ITGA1: variants seen among roughly 807,000 people sequenced by gnomAD.
ITGA1 encodes integrin subunit alpha 1.
A neutral mutation model predicts 145.9 loss-of-function variants in ITGA1; 85 were observed. That is an observed-to-expected ratio of 0.58 (90% confidence interval 0.49 to 0.70). ITGA1 has a LOEUF of 0.70. Ranked by LOEUF, ITGA1 falls within the 30% of genes least tolerant of loss-of-function variation. ITGA1 has a pLI of 0.00. For synonymous variants in ITGA1, 520 were observed against 495.3 expected (o/e 1.05, Z -0.66); for missense variants, 1,351 against 1,418.7 (o/e 0.95, Z 0.77).
chr5:52,813,254 C>A (rs1748712655), intron 1 of ITGA1, among the ~76,000 whole-genome samples: 1 of 152,098 alleles, frequency 6.6e-6, no homozygotes, highest in African/African-American at 2.4e-5. Context: ...CATTAAACTT[C>A]CAATCAAGTA....
At chr5:52,847,474 G>C (rs1305050230) in intron 1 of ITGA1, among the ~76,000 whole-genome samples, 3 of 152,166 alleles carry the variant, frequency 2.0e-5, no homozygotes, top group African/African-American at 7.2e-5. Flanking sequence ...AAAGAAGACT[G>C]AATTTAGCCA....
At chr5:52,854,109 A>AT (rs1561227783) in intron 2 of ITGA1, among the ~76,000 whole-genome samples, 2 of 151,952 alleles carry the variant, frequency 1.3e-5, no homozygotes, top group African/African-American at 4.8e-5. Context: ...CTCAAAGTAG[A>AT]TTTTCAGGAT....
At chr5:52,941,170 A>G (rs1299535296) in intron 26 of ITGA1, among the ~76,000 whole-genome samples, 2 of 152,182 alleles carry the variant, frequency 1.3e-5, no homozygotes, top group East Asian at 1.9e-4. Flanking sequence ...TTCTTTATCC[A>G]GGCCACTGTT....
intron 1 of ITGA1, among the ~76,000 whole-genome samples, chr5:52,814,209 C>T (rs1372086389): frequency 6.6e-6 from 1 of 152,110 alleles, no homozygotes. Context: ...TGCAGTGGCG[C>T]GATCTCAGCT....
chr5:52,847,939 C>T (rs1749364398), intron 1 of ITGA1, among the ~76,000 whole-genome samples: 1 of 152,182 alleles, frequency 6.6e-6, no homozygotes, highest in Admixed American at 6.5e-5. Flanking sequence ...GAATTTGGCA[C>T]CATCCATTTG....
chr5:52,911,089 G>A (rs887056034), intron 14 of ITGA1, among the ~76,000 whole-genome samples: 1 of 125,420 alleles, frequency 8.0e-6, no homozygotes. Context: ...AGTATATATA[G>A]TGTATATATA....
At chr5:52,863,754 G>C (rs1287239359) in intron 3 of ITGA1, among the ~76,000 whole-genome samples, 1 of 152,156 alleles carries the variant, frequency 6.6e-6, no homozygotes, top group Non-Finnish European at 1.5e-5. Context: ...GTACAGTAGG[G>C]AAGTTTCCAC....
intron 22 of ITGA1, chr5:52,933,233 A>C (rs1236875370): frequency 6.6e-6 from 1 of 152,066 alleles, no homozygotes; most frequent in Admixed American, 6.6e-5. Flanking sequence ...ATTATAGGAC[A>C]TACATGTAGA....
intron 22 of ITGA1, chr5:52,933,636 GA>G (rs1213576326): frequency 4.7e-6 from 1 of 212,046 alleles, no homozygotes; most frequent in Non-Finnish European, 9.3e-6. Context: ...TGTTAACCAT[GA>G]AATTTTAACT....
intron 1 of ITGA1, chr5:52,801,747 G>C (rs771924718): frequency 6.2e-7 from 1 of 1,614,028 alleles, no homozygotes; most frequent in African/African-American, 1.3e-5. Flanking sequence ...CTGGGGAACA[G>C]CTCAGCCAGT....
intron 1 of ITGA1, among the ~76,000 whole-genome samples, chr5:52,789,886 A>G (rs775092589): frequency 2.0e-5 from 3 of 152,254 alleles, no homozygotes; most frequent in Non-Finnish European, 4.4e-5. Flanking sequence ...ACTTGAAGTA[A>G]CAGAGAAGTT....
At chr5:52,870,885 T>C (rs1446966906) in intron 6 of ITGA1, among the ~76,000 whole-genome samples, 1 of 152,208 alleles carries the variant, frequency 6.6e-6, no homozygotes, top group East Asian at 1.9e-4. Flanking sequence ...GATATCTCAA[T>C]GAAGGGAGTT....
At chr5:52,862,247 A>G (rs902696775) in intron 3 of ITGA1, among the ~76,000 whole-genome samples, 2 of 152,124 alleles carry the variant, frequency 1.3e-5, no homozygotes, top group East Asian at 3.9e-4. Context: ...AAAAGAAAAA[A>G]AACAGATTTT....
chr5:52,913,876 T>C (rs1435861328), intron 14 of ITGA1, among the ~76,000 whole-genome samples: 2 of 152,196 alleles, frequency 1.3e-5, no homozygotes, highest in Non-Finnish European at 2.9e-5. Flanking sequence ...CTTGTATCCA[T>C]TTGATAAATA....
At chr5:52,923,774 C>T (rs149618334) in intron 18 of ITGA1, among the ~76,000 whole-genome samples, 166 of 152,282 alleles carry the variant, frequency 1.1e-3, no homozygotes, top group Admixed American at 2.4e-3. Flanking sequence ...CTAATAAGCA[C>T]TGGATTGCAG....
At chr5:52,902,024 A>G (rs1020064459) in intron 11 of ITGA1, 15 of 152,210 alleles carry the variant, frequency 9.9e-5, no homozygotes, top group African/African-American at 3.1e-4. Context: ...AATATTCTAA[A>G]TCTGAAATGA....
chr5:52,951,417 T>C (rs1246934761), intron 28 of ITGA1, among the ~76,000 whole-genome samples: 2 of 152,242 alleles, frequency 1.3e-5, no homozygotes, highest in East Asian at 3.9e-4. Flanking sequence ...TGTTATTCTA[T>C]AGGATGGGAA....
At chr5:52,949,546 G>A (rs1751187198) in intron 28 of ITGA1, among the ~76,000 whole-genome samples, 1 of 152,098 alleles carries the variant, frequency 6.6e-6, no homozygotes, top group African/African-American at 2.4e-5. Flanking sequence ...GTAAATGACT[G>A]GATTCAAGGA....
intron 1 of ITGA1, among the ~76,000 whole-genome samples, chr5:52,827,089 CTTTTTTT>C (rs201041439): frequency 7.4e-6 from 1 of 134,846 alleles, no homozygotes. Context: ...CCATTAAGAA[CTTTTTTT>C]TTTTTTTTTT....
Sources: allele counts gnomAD v4.1 joint callset (sites outside exome capture counted in the v4.1 genomes callset), GRCh38; gene constraint gnomAD v4.1.1; transcripts MANE v1.5; gene names NCBI Gene and HGNC (gene_info 2026-07-23, HGNC 2026-07-21).